CEP43: variants seen among roughly 807,000 people sequenced by gnomAD.
CEP43 encodes FGFR1 oncogene partner.
A neutral mutation model predicts 52.6 loss-of-function variants in CEP43; 36 were observed. The observed-to-expected ratio is 0.68, with a 90% CI of 0.52 to 0.90. The LOEUF (loss-of-function observed/expected upper bound fraction) is 0.90, where lower values mean the gene tolerates loss of function less well. CEP43 is among the 40% of genes least tolerant of loss of function. CEP43 has a pLI of 0.00. For missense variants in CEP43, 506 were observed against 472.8 expected (o/e 1.07, Z -0.65); for synonymous variants, 192 against 172.4 (o/e 1.11, Z -0.89).
chr6:167,016,629 G>A (rs986696776), intron 7 of CEP43, among the ~76,000 whole-genome samples: 1 of 152,126 alleles, frequency 6.6e-6, no homozygotes, highest in Non-Finnish European at 1.5e-5. Context: ...AGGTTTTGGG[G>A]CATATGTTTT....
intron 7 of CEP43, among the ~76,000 whole-genome samples, chr6:167,017,105 C>T (rs1460167047): frequency 2.0e-5 from 3 of 151,432 alleles, no homozygotes; most frequent in East Asian, 1.9e-4. Context: ...ACGGGAGGCT[C>T]CTGCCTCAGC....
At chr6:167,005,639 G>T (rs1779834744) in intron 5 of CEP43, among the ~76,000 whole-genome samples, 1 of 152,204 alleles carries the variant, frequency 6.6e-6, no homozygotes, top group South Asian at 2.1e-4. Context: ...ACTTCAGCTT[G>T]TGCATATAAT....
intron 6 of CEP43, 81 bp downstream of exon 6, chr6:167,010,974 T>A: frequency 1.4e-6 from 1 of 739,384 alleles, no homozygotes. Flanking sequence ...GTCTTTCTTG[T>A]TACAAGTTGT....
intron 8 of CEP43, 103 bp from the exon 9 acceptor site, chr6:167,024,679 C>G: frequency 1.3e-6 from 1 of 783,964 alleles, no homozygotes; most frequent in South Asian, 1.7e-5. Context: ...CCAGCCACCA[C>G]ACGTATAAAA....
In CEP43 at chr6:167,040,280, A is replaced by G. The variant is rs1021544811; in HGVS notation, c.*302A>G. 60 of 1,475,204 alleles carry G rather than the reference A, an allele frequency of 4.1e-5. No individual in the cohort carries two copies. In the African/African-American group the frequency reaches 7.2e-4, roughly 18 times the overall value. 91.4% of individuals were successfully genotyped at this position (1,475,204 alleles called of 1,614,324 possible). ...CCATGAAAACATCAGTGTTAAGAGC[A>G]TGATGAAAGGTGTCAATAAAGCCGT... On this transcript the variant is annotated 3_prime_UTR_variant, in exon 13 of 13. Transcript: ENST00000366847.
chr6:167,008,084 T>C (rs527472170), intron 5 of CEP43, among the ~76,000 whole-genome samples: 2 of 152,214 alleles, frequency 1.3e-5, no homozygotes, highest in African/African-American at 4.8e-5. Context: ...TGAAATGTTC[T>C]GTGTGATGTG....
chr6:167,024,694 T>C (rs1583284588), intron 8 of CEP43, 88 bp from the exon 9 acceptor site: 1 of 873,430 alleles, frequency 1.1e-6, no homozygotes, highest in East Asian at 2.5e-5. Flanking sequence ...ATAAAATATC[T>C]TTAAGTTGCT....
chr6:167,012,885 C>T (rs1330240469), intron 6 of CEP43, among the ~76,000 whole-genome samples: 1 of 152,146 alleles, frequency 6.6e-6, no homozygotes. Context: ...TCTCAGTTGG[C>T]CTCATAAACC....
At chr6:167,016,067 GAAA>G (rs928067817) in intron 7 of CEP43, among the ~76,000 whole-genome samples, 1 of 141,950 alleles carries the variant, frequency 7.0e-6, no homozygotes, top group Non-Finnish European at 1.5e-5. Flanking sequence ...TAATTGTTTG[GAAA>G]AAAAAAAAAG....
At chr6:167,011,590 T>C (rs1779987050) in intron 6 of CEP43, 1 of 152,234 alleles carries the variant, frequency 6.6e-6, no homozygotes, top group African/African-American at 2.4e-5. Context: ...TCCCAGGCGG[T>C]CTTACCAAAG....
chr6:167,011,974 G>A (rs1045464609), intron 6 of CEP43, among the ~76,000 whole-genome samples: 7 of 152,152 alleles, frequency 4.6e-5, no homozygotes, highest in African/African-American at 1.7e-4. Context: ...ATGACAGGTC[G>A]GGTTTGTATT....
intron 10 of CEP43, among the ~76,000 whole-genome samples, chr6:167,030,101 G>C (rs1293837317): frequency 6.6e-6 from 1 of 152,234 alleles, no homozygotes; most frequent in African/African-American, 2.4e-5. Context: ...GGATGTACAC[G>C]TGCAGGACAC....
intron 5 of CEP43, among the ~76,000 whole-genome samples, chr6:167,008,523 G>A (rs558937344): frequency 3.1e-4 from 47 of 151,870 alleles, no homozygotes; most frequent in African/African-American, 9.9e-4. Context: ...GGAGTGCAGC[G>A]GCAAGATCTC....
chr6:167,022,303 GCA>G (rs1749871865), intron 7 of CEP43, 104 bp from the exon 8 acceptor site: 2 of 647,718 alleles, frequency 3.1e-6, no homozygotes, highest in Non-Finnish European at 5.1e-6. Context: ...CACAAAGGTT[GCA>G]CACACACAGG....
intron 5 of CEP43, among the ~76,000 whole-genome samples, chr6:167,007,645 T>C (rs543383799): frequency 2.6e-5 from 4 of 152,338 alleles, no homozygotes; most frequent in Admixed American, 2.6e-4. Flanking sequence ...AATAAAAAAT[T>C]AGAGCTTTTA....
At chr6:167,017,065 G>A (rs924048121) in intron 7 of CEP43, among the ~76,000 whole-genome samples, 4 of 150,166 alleles carry the variant, frequency 2.7e-5, no homozygotes, top group African/African-American at 4.9e-5. Context: ...GCACGATCTC[G>A]GCTCACTGCA....
intron 9 of CEP43, 49 bp from the exon 10 acceptor site, chr6:167,026,498 C>CAGAA (rs751564366): frequency 6.9e-6 from 8 of 1,155,732 alleles, no homozygotes; most frequent in Non-Finnish European, 1.0e-5. Context: ...GGTTTAGAGA[C>CAGAA]TGTTATATTC....
At chr6:167,003,468 T>C in intron 3 of CEP43, 1 of 514,966 alleles carries the variant, frequency 1.9e-6, no homozygotes. Flanking sequence ...AAAGCCAATA[T>C]TAACCATTAA....
chr6:167,044,477 A>C lies in CEP43; in HGVS notation c.*4499A>C. ...CCTCCAGGCTGACAAAGTTTCCCCG[A>C]GGAAGTCAGATTGGAAAAGTGTCCT... On this transcript the variant is annotated 3_prime_UTR_variant, in exon 13 of 13. Transcript: ENST00000366847. 1 of 985,362 alleles carries C rather than the reference A, an allele frequency of 1.0e-6. No homozygotes were observed. The highest frequency in any genetic ancestry group is 1.2e-6 in the Non-Finnish European group (1 of 829,912). 61.0% of individuals were successfully genotyped at this position (985,362 alleles called of 1,614,324 possible).
Sources: allele counts gnomAD v4.1 joint callset (sites outside exome capture counted in the v4.1 genomes callset), GRCh38; gene constraint gnomAD v4.1.1; transcripts MANE v1.5; gene names NCBI Gene and HGNC (gene_info 2026-07-23, HGNC 2026-07-21).